MRPL42: variants seen among roughly 807,000 people sequenced by gnomAD.
The protein encoded by MRPL42 is large ribosomal subunit protein mL42.
Under a neutral mutation model 17.9 loss-of-function variants are expected in MRPL42, and 17 were observed. The observed-to-expected ratio is 0.95, with a 90% CI of 0.65 to 1.42. MRPL42 has a LOEUF of 1.42. MRPL42 is among the 40% of genes most tolerant of loss of function. The pLI is 0.00. For missense variants in MRPL42, 177 were observed against 175.2 expected (o/e 1.01, Z -0.06); for synonymous variants, 59 against 54.4 (o/e 1.08, Z -0.37).
At chr12:93,483,024 A>G (rs1880538731) in intron 4 of MRPL42, among the ~76,000 whole-genome samples, 1 of 152,008 alleles carries the variant, frequency 6.6e-6, no homozygotes, top group African/African-American at 2.4e-5. Flanking sequence ...CCACCCAAAT[A>G]GCTGGGATTA....
intron 5 of MRPL42, among the ~76,000 whole-genome samples, chr12:93,497,130 A>G (rs1291655991): frequency 2.6e-5 from 4 of 152,164 alleles, no homozygotes; most frequent in African/African-American, 4.8e-5. Context: ...GCTGAATTCT[A>G]CCAGATGTGC....
chr12:93,494,505 T>C (rs1953459397), intron 5 of MRPL42, among the ~76,000 whole-genome samples: 1 of 152,138 alleles, frequency 6.6e-6, no homozygotes, highest in Non-Finnish European at 1.5e-5. Flanking sequence ...CCTAGAAGAA[T>C]AGAACTGGCA....
intron 5 of MRPL42, among the ~76,000 whole-genome samples, chr12:93,499,340 T>C (rs1269725917): frequency 6.6e-6 from 1 of 151,588 alleles, no homozygotes; most frequent in Non-Finnish European, 1.5e-5. Flanking sequence ...AATTGAACAG[T>C]GTATGCTGAA....
chr12:93,481,278 A>G (rs1592772929), intron 4 of MRPL42, among the ~76,000 whole-genome samples: 2 of 152,086 alleles, frequency 1.3e-5, no homozygotes, highest in Non-Finnish European at 2.9e-5. Context: ...TCTAATAGAA[A>G]CCTGCCTGTA....
At chr12:93,499,977 T>TTA (rs1212594087) in intron 5 of MRPL42, among the ~76,000 whole-genome samples, 1 of 152,214 alleles carries the variant, frequency 6.6e-6, no homozygotes, top group Non-Finnish European at 1.5e-5. Context: ...AAGGAAATTT[T>TTA]TGAACGTAAC....
At chr12:93,473,300 G>T (rs897432930) in intron 2 of MRPL42, among the ~76,000 whole-genome samples, 1 of 151,810 alleles carries the variant, frequency 6.6e-6, no homozygotes, top group Admixed American at 6.6e-5. Context: ...TCACTCTGTT[G>T]CCCAGGCTGG....
intron 4 of MRPL42, among the ~76,000 whole-genome samples, chr12:93,481,102 T>A (rs1880438776): frequency 6.6e-6 from 1 of 152,170 alleles, no homozygotes; most frequent in Admixed American, 6.5e-5. Flanking sequence ...GAATGCCAGG[T>A]CATTTCATAG....
rs2121282602 is a variant in MRPL42 at position 93,501,570 on chromosome 12, C to G, written c.*349C>G. ...CTTCGTGTTAGATAATTTTGCTAAA[C>G]AGTAGGCTACTGTAAGTGTTCTGAG... On this transcript the variant is annotated 3_prime_UTR_variant, in exon 6 of 6. Coordinates refer to ENST00000549982, the MANE Select transcript of MRPL42 (RefSeq NM_014050.4). The G allele has an allele frequency of 6.1e-6, 1 of 164,002 alleles. No individual in the cohort carries two copies. The highest frequency in any genetic ancestry group is 1.7e-4 in the East Asian group (1 of 6,020). 10.2% of individuals were successfully genotyped at this position (164,002 alleles called of 1,614,324 possible).
At chr12:93,490,384 A>G (rs2121245641) in intron 5 of MRPL42, among the ~76,000 whole-genome samples, 1 of 152,338 alleles carries the variant, frequency 6.6e-6, no homozygotes, top group Non-Finnish European at 1.5e-5. Context: ...GACTTTAATT[A>G]GATTATCCCA....
chr12:93,468,602 C>T (rs1343635739), intron 1 of MRPL42, among the ~76,000 whole-genome samples: 2 of 152,108 alleles, frequency 1.3e-5, no homozygotes, highest in Non-Finnish European at 2.9e-5. Context: ...GGTGAAAGTA[C>T]GTTGGAAAGT....
chr12:93,488,637 G>T (rs1467878737), intron 5 of MRPL42, among the ~76,000 whole-genome samples: 1 of 152,022 alleles, frequency 6.6e-6, no homozygotes, highest in Non-Finnish European at 1.5e-5. Context: ...AAACATTGGG[G>T]TACAGAAAAT....
chr12:93,469,156 A>G (rs1879777896), intron 1 of MRPL42, 36 bp from the exon 2 acceptor site: 1 of 632,384 alleles, frequency 1.6e-6, no homozygotes, highest in Non-Finnish European at 2.7e-6. Context: ...TAAATTTACC[A>G]TAGGTAGCAC....
chr12:93,502,573 G>T lies in MRPL42; in HGVS notation c.*1352G>T, dbSNP rs2121286257. 6.6e-6 allele frequency: 1 copy of T among 152,126 alleles called. No individual in the cohort carries two copies. The highest frequency in any genetic ancestry group is 2.1e-4 in the South Asian group (1 of 4,818). 9.4% of individuals were successfully genotyped at this position (152,126 alleles called of 1,614,324 possible). Reference sequence around the variant, plus strand: ...AATAATGGTGACCCTCTGTTAAGTGGTTTACTTTTTCCATTAATATAAATT... The same window carrying T: ...AATAATGGTGACCCTCTGTTAAGTGTTTTACTTTTTCCATTAATATAAATT... On this transcript the variant is annotated 3_prime_UTR_variant, in exon 6 of 6. Transcript: ENST00000549982.
At chr12:93,491,669 A>G (rs1953417309) in intron 5 of MRPL42, among the ~76,000 whole-genome samples, 1 of 152,106 alleles carries the variant, frequency 6.6e-6, no homozygotes, top group Non-Finnish European at 1.5e-5. Flanking sequence ...AGGGTACACA[A>G]GGGTATATTG....
rs747520986 is a variant in MRPL42 at position 93,501,265 on chromosome 12, G to A, written c.*44G>A. 10 of 1,515,456 alleles carry A rather than the reference G, an allele frequency of 6.6e-6. No individual in the cohort carries two copies. The highest frequency in any genetic ancestry group is 9.0e-6 in the Non-Finnish European group (10 of 1,114,128). 93.9% of individuals were successfully genotyped at this position (1,515,456 alleles called of 1,614,324 possible). A position where few individuals can be genotyped will look rare whatever the true frequency, so the allele number is the denominator to read the frequency against. ...AATCAAAGAGAAATGTGCCTCATTT[G>A]CCATTTGAGAAAATGCAGTCTGGTG... is the stretch of plus-strand genomic sequence containing the variant. On this transcript the variant is annotated 3_prime_UTR_variant, in exon 6 of 6. Transcript: ENST00000549982.
rs1953676340 is a variant in MRPL42 at position 93,506,878 on chromosome 12, GCATC to G, written c.*5660_*5663del. The stretch of plus-strand genomic sequence containing the variant: ...GATCCCATTGGACTTTTCAATTGCT[GCATC>G]CAGGTGTAATTACCATAAGAGCATA... On this transcript the variant is annotated 3_prime_UTR_variant, in exon 6 of 6. Transcript: ENST00000549982. 6.6e-6 allele frequency: 1 copy of G among 152,122 alleles called. No homozygotes were observed. The highest frequency in any genetic ancestry group is 1.5e-5 in the Non-Finnish European group (1 of 68,026). 9.4% of individuals were successfully genotyped at this position (152,122 alleles called of 1,614,324 possible).
intron 4 of MRPL42, among the ~76,000 whole-genome samples, chr12:93,483,443 A>C (rs192930651): frequency 5.8e-4 from 88 of 152,326 alleles, no homozygotes; most frequent in Non-Finnish European, 1.0e-3. Context: ...CCAGGCTGCA[A>C]ACGTATACAG....
In MRPL42 at chr12:93,509,436, G is replaced by C. The variant is rs753571064; in HGVS notation, c.*8215G>C. Reference sequence around the variant, plus strand: ...CACTCATATCTTTGGTGAAATATCTGTTCAAATCATTTGCTCTTTTTTTTT... The same window carrying C: ...CACTCATATCTTTGGTGAAATATCTCTTCAAATCATTTGCTCTTTTTTTTT... On this transcript the variant is annotated 3_prime_UTR_variant, in exon 6 of 6. Transcript: ENST00000549982. The C allele has an allele frequency of 1.3e-5, 2 of 151,734 alleles. No homozygotes were observed. Among genetic ancestry groups the C allele is most frequent in the Non-Finnish European group, 2.9e-5 (2 of 67,950 alleles). 9.4% of individuals were successfully genotyped at this position (151,734 alleles called of 1,614,324 possible).
At chr12:93,469,847 A>G (rs576325820) in intron 2 of MRPL42, among the ~76,000 whole-genome samples, 1 of 152,272 alleles carries the variant, frequency 6.6e-6, no homozygotes, top group South Asian at 2.1e-4. Context: ...ATGCAGAGGT[A>G]AAAGGTCTGG....
Sources: allele counts gnomAD v4.1 joint callset (sites outside exome capture counted in the v4.1 genomes callset), GRCh38; gene constraint gnomAD v4.1.1; transcripts MANE v1.5; gene names NCBI Gene and HGNC (gene_info 2026-07-23, HGNC 2026-07-21).